Variants in CTNNA2 observed in about 807,000 individuals in gnomAD.
CTNNA2 encodes catenin alpha 2, also known as catenin alpha-2.
Under a neutral mutation model 101.0 loss-of-function variants are expected in CTNNA2, and 42 were observed. The ratio of observed to expected loss-of-function variants is 0.42; its 90% CI spans 0.32 to 0.54. CTNNA2 has a LOEUF of 0.54. Among genes scored for constraint, CTNNA2 ranks in the 20% least tolerant of loss-of-function variants. The pLI, the probability that CTNNA2 is intolerant of heterozygous loss-of-function variation, is 0.14. For missense variants in CTNNA2, 871 were observed against 1,223.1 expected (o/e 0.71, Z 4.29); for synonymous variants, 450 against 456.4 (o/e 0.99, Z 0.18).
chr2:80,320,871 A>T (rs1183312859), intron 7 of CTNNA2, among the ~76,000 whole-genome samples: 1 of 152,114 alleles, frequency 6.6e-6, no homozygotes, highest in Non-Finnish European at 1.5e-5. Context: ...TTATTTCTCA[A>T]TTTTTTTAAA....
At chr2:79,747,625 C>T (rs1284095572) in intron 3 of CTNNA2, among the ~76,000 whole-genome samples, 4 of 152,100 alleles carry the variant, frequency 2.6e-5, no homozygotes, top group African/African-American at 4.8e-5. Context: ...TAGAAACTAA[C>T]GTTTTCATTT....
At chr2:79,659,246 C>G (rs1008942252) in intron 2 of CTNNA2, among the ~76,000 whole-genome samples, 1 of 145,640 alleles carries the variant, frequency 6.9e-6, no homozygotes, top group African/African-American at 2.5e-5. Flanking sequence ...ACACCATACA[C>G]TTTCTTATAG....
rs924894416 is a variant in CTNNA2, at chr2:80,512,016, G to A, written c.1291-32966G>A. ...AATACAAAAATTAGCTGGGCATAGT[G>A]GTGGGCACCTGTAATCCCAGCTACT... On this transcript the variant is annotated intron_variant, in intron 9 of 18. Coordinates refer to ENST00000402739, the MANE Select transcript of CTNNA2 (RefSeq NM_001282597.3). 1.5e-4 allele frequency among the ~76,000 whole-genome samples: 23 copies of A among 151,994 alleles called. 1 individual carries two copies. The South Asian group carries it at 3.1e-3, about 21-fold the overall frequency.
At chr2:79,586,717 G>C (rs1253874657) in intron 1 of CTNNA2, among the ~76,000 whole-genome samples, 1 of 151,906 alleles carries the variant, frequency 6.6e-6, no homozygotes, top group African/African-American at 2.4e-5. Flanking sequence ...GGTGGTTTTT[G>C]TTACATGAAC....
intron 1 of CTNNA2, among the ~76,000 whole-genome samples, chr2:79,638,756 T>C (rs1680252324): frequency 6.6e-6 from 1 of 152,004 alleles, no homozygotes; most frequent in South Asian, 2.1e-4. Context: ...AGATTTAACT[T>C]CGACTTTTAA....
chr2:79,849,864 A>C (rs987579663), intron 3 of CTNNA2, among the ~76,000 whole-genome samples: 99 of 152,322 alleles, frequency 6.5e-4, no homozygotes, highest in African/African-American at 2.3e-3. Flanking sequence ...TATCAATTCA[A>C]TATGGTTCAA....
intron 4 of CTNNA2, among the ~76,000 whole-genome samples, chr2:79,436,894 G>A (rs1678722637): frequency 6.6e-6 from 1 of 151,984 alleles, no homozygotes; most frequent in Admixed American, 6.5e-5. Flanking sequence ...GCCTCCCAAA[G>A]TGCTGGGATT....
chr2:79,484,653 G>A (rs564025123), intron 4 of CTNNA2, among the ~76,000 whole-genome samples: 26 of 152,228 alleles, frequency 1.7e-4, no homozygotes, highest in African/African-American at 5.1e-4. Context: ...CTCCTCAGGC[G>A]TATTGCACAC....
chr2:79,280,657 A>AGAGAGAGAG (rs1334847406), intron 2 of CTNNA2, among the ~76,000 whole-genome samples: 19 of 50,206 alleles, frequency 3.8e-4, no homozygotes, highest in South Asian at 8.4e-4. Context: ...GTGTGTGTGT[A>AGAGAGAGAG]AGAGAAAGAG....
intron 2 of CTNNA2, among the ~76,000 whole-genome samples, chr2:79,717,526 C>G (rs1249915687): frequency 6.6e-6 from 1 of 152,126 alleles, no homozygotes; most frequent in Non-Finnish European, 1.5e-5. Flanking sequence ...AGAGAAGCCA[C>G]TGGAGGGATT....
chr2:79,379,800 A>C (rs994906090), intron 4 of CTNNA2, among the ~76,000 whole-genome samples: 2 of 152,166 alleles, frequency 1.3e-5, no homozygotes, highest in Non-Finnish European at 2.9e-5. Flanking sequence ...TTCAAAAAAA[A>C]TTTTTTAATA....
At chr2:80,585,895 GCA>G (rs1695934017) in intron 14 of CTNNA2, among the ~76,000 whole-genome samples, 3 of 152,140 alleles carry the variant, frequency 2.0e-5, no homozygotes, top group African/African-American at 7.2e-5. Flanking sequence ...AGCTACATAA[GCA>G]GAAGCAAATG....
chr2:79,506,771 C>A (rs982938453), intron 5 of CTNNA2, among the ~76,000 whole-genome samples: 1 of 152,130 alleles, frequency 6.6e-6, no homozygotes. Context: ...GAGATTCTGT[C>A]CCAAATCGTT....
chr2:80,556,277 T>C (rs1212400873), intron 12 of CTNNA2, among the ~76,000 whole-genome samples: 2 of 152,210 alleles, frequency 1.3e-5, no homozygotes, highest in Non-Finnish European at 2.9e-5. Context: ...ATAGTGCAGA[T>C]GTGATAAGAA....
intron 3 of CTNNA2, among the ~76,000 whole-genome samples, chr2:79,756,118 T>G (rs9808114): frequency 0.46 from 70,112 of 151,954 alleles, 18,082 homozygotes; most frequent in East Asian, 0.79. Context: ...TGCAAGACAT[T>G]GGAAGATAAT....
At chr2:80,412,149 G>C (rs1679637057) in intron 8 of CTNNA2, among the ~76,000 whole-genome samples, 1 of 152,144 alleles carries the variant, frequency 6.6e-6, no homozygotes, top group Non-Finnish European at 1.5e-5. Context: ...CTGGGACCCT[G>C]AGGCAGCTTG....
intron 7 of CTNNA2, among the ~76,000 whole-genome samples, chr2:80,321,849 T>A (rs149962988): frequency 1.3e-5 from 2 of 152,330 alleles, no homozygotes; most frequent in East Asian, 1.9e-4. Flanking sequence ...TCTGCTAACA[T>A]GTTTTGCGAG....
chr2:79,449,169 A>G (rs1678863221), intron 4 of CTNNA2, among the ~76,000 whole-genome samples: 1 of 152,020 alleles, frequency 6.6e-6, no homozygotes, highest in South Asian at 2.1e-4. Flanking sequence ...TTTACAGGAA[A>G]TTGGGAGTAT....
chr2:80,229,862 A>G (rs1195384718), intron 7 of CTNNA2, among the ~76,000 whole-genome samples: 1 of 152,160 alleles, frequency 6.6e-6, no homozygotes, highest in Non-Finnish European at 1.5e-5. Context: ...TATTGTTTGT[A>G]TTACTTAGGA....
Sources: gnomAD v4.1 joint callset for allele counts (sites outside exome capture counted in the v4.1 genomes callset) on GRCh38, gnomAD v4.1.1 for gene constraint, MANE v1.5 for transcripts, NCBI Gene and HGNC (gene_info 2026-07-23, HGNC 2026-07-21) for gene names.